The following VPS13B variants were observed in gnomAD, a reference collection of about 807,000 sequenced individuals.
VPS13B encodes the protein vacuolar protein sorting 13 homolog B, also known as intermembrane lipid transfer protein VPS13B.
Under a neutral mutation model 426.4 loss-of-function variants are expected in VPS13B, and 285 were observed. The ratio of observed to expected loss-of-function variants is 0.67; its 90% CI spans 0.61 to 0.74. The LOEUF is 0.74. Among genes scored for constraint, VPS13B ranks in the 30% least tolerant of loss-of-function variants. VPS13B has a pLI of 0.00. For synonymous variants in VPS13B, 1,676 were observed against 1,676.4 expected (o/e 1.00, Z 0.01); for missense variants, 4,537 against 4,782.6 (o/e 0.95, Z 1.51).
At position 99,853,657 on chromosome 8, in the gene VPS13B, G is replaced by A; in HGVS notation, c.10268G>A (p.Cys3423Tyr). ...ALFELYCVEI[C>Y]CGDLQLDNQL... ...TTTGAACTTTACTGTGTGGAGATCT[G>A]CTGTGGGGACCTGCAGCTAGACAAC... The change falls in exon 56 of 62, where the codon TGC (cysteine) becomes TAC (tyrosine). Residue 3423 changes from cysteine to tyrosine, a missense_variant. Transcript: ENST00000357162. The A allele has an allele frequency of 6.2e-7, 1 of 1,613,616 alleles. No individual in the cohort carries two copies. Among genetic ancestry groups the A allele is most frequent in the Non-Finnish European group, 8.5e-7 (1 of 1,179,862 alleles).
chr8:99,528,143 C>T (rs540560111), intron 30 of VPS13B, among the ~76,000 whole-genome samples: 269 of 152,106 alleles, frequency 1.8e-3, no homozygotes, highest in Middle Eastern at 0.01. Flanking sequence ...TTATATTATA[C>T]TTCCTATGTC....
At chr8:99,142,502 G>A (rs1196020995) in intron 12 of VPS13B, among the ~76,000 whole-genome samples, 1 of 152,060 alleles carries the variant, frequency 6.6e-6, no homozygotes, top group Non-Finnish European at 1.5e-5. Flanking sequence ...TTCAAAGCAG[G>A]TAATACCTAC....
At chr8:99,217,035 T>C (rs1039056151) in intron 17 of VPS13B, among the ~76,000 whole-genome samples, 3 of 152,110 alleles carry the variant, frequency 2.0e-5, no homozygotes, top group African/African-American at 7.2e-5. Flanking sequence ...GGTACTAGTT[T>C]GGGGCAAAAA....
intron 3 of VPS13B, among the ~76,000 whole-genome samples, chr8:99,070,782 T>C (rs1844816897): frequency 6.6e-6 from 1 of 152,140 alleles, no homozygotes; most frequent in South Asian, 2.1e-4. Flanking sequence ...TCTTCCATTA[T>C]TCTTTTTTCT....
At chr8:99,273,827 C>T (rs1353120570) in intron 17 of VPS13B, among the ~76,000 whole-genome samples, 2 of 151,922 alleles carry the variant, frequency 1.3e-5, no homozygotes, top group Non-Finnish European at 2.9e-5. Flanking sequence ...AAAGTCTTCG[C>T]CTAAATTAAA....
chr8:99,192,841 T>G lies in VPS13B; in HGVS notation c.2334-35T>G, dbSNP rs1420275430. On this transcript the variant is annotated intron_variant, in intron 16 of 61. Transcript: ENST00000357162. ...TATTTTGTTGTCTGTAAATGCTATT[T>G]ACTGTATTGCGATTCTTTCTGTTTT... 6 of 1,608,828 alleles carry G rather than the reference T, an allele frequency of 3.7e-6. No homozygotes were observed. In the East Asian group the frequency reaches 1.3e-4, roughly 36 times the overall value.
intron 23 of VPS13B, among the ~76,000 whole-genome samples, chr8:99,444,819 A>G (rs1437706617): frequency 1.3e-5 from 2 of 152,208 alleles, no homozygotes; most frequent in Non-Finnish European, 2.9e-5. Flanking sequence ...ACACACTACC[A>G]TGCCTGTCTA....
intron 8 of VPS13B, chr8:99,121,846 CTTT>C (rs34151287): frequency 1.1e-3 from 120 of 112,296 alleles, no homozygotes; most frequent in Middle Eastern, 5.2e-3. Context: ...CTCTCTCTCT[CTTT>C]TTTTTTTTTT....
At chr8:99,569,122 G>A (rs745743070) in intron 31 of VPS13B, among the ~76,000 whole-genome samples, 18 of 151,924 alleles carry the variant, frequency 1.2e-4, no homozygotes, top group South Asian at 2.1e-4. Flanking sequence ...ACGCCTGGCC[G>A]ATTACCACAA....
At chr8:99,078,296 C>T (rs1035364227) in intron 3 of VPS13B, among the ~76,000 whole-genome samples, 7 of 145,400 alleles carry the variant, frequency 4.8e-5, no homozygotes, top group South Asian at 2.2e-4. Context: ...TCTAGTTTTG[C>T]GGATTGTCTT....
chr8:99,275,784 A>C (rs893488653), intron 19 of VPS13B, among the ~76,000 whole-genome samples: 4 of 152,170 alleles, frequency 2.6e-5, no homozygotes, highest in Non-Finnish European at 5.9e-5. Flanking sequence ...TATACCTCTC[A>C]TGTTGAGAGA....
intron 39 of VPS13B, among the ~76,000 whole-genome samples, chr8:99,737,008 A>G (rs1018691734): frequency 1.3e-5 from 2 of 151,334 alleles, no homozygotes; most frequent in African/African-American, 2.4e-5. Flanking sequence ...TGAACCTACA[A>G]CTCTTAACTG....
At chr8:99,029,698 G>C (rs1489419615) in intron 2 of VPS13B, among the ~76,000 whole-genome samples, 12 of 151,908 alleles carry the variant, frequency 7.9e-5, no homozygotes, top group Non-Finnish European at 4.4e-5. Context: ...ATCAGGCAGG[G>C]ATTTTGCAGT....
chr8:99,302,709 A>G (rs561590289), intron 19 of VPS13B, among the ~76,000 whole-genome samples: 3 of 152,056 alleles, frequency 2.0e-5, no homozygotes, highest in Non-Finnish European at 4.4e-5. Flanking sequence ...GGGTTTTGCC[A>G]TGTTGGCCAT....
intron 34 of VPS13B, among the ~76,000 whole-genome samples, chr8:99,657,470 T>TGTGTCTGTGTGTGTG (rs60760111): frequency 1.2e-4 from 18 of 147,008 alleles, no homozygotes; most frequent in African/African-American, 4.3e-4. Flanking sequence ...ACTTTAAAAA[T>TGTGTCTGTGTGTGTG]TGTGTGTGTG....
chr8:99,217,616 A>T (rs1815459512), intron 17 of VPS13B, among the ~76,000 whole-genome samples: 1 of 152,216 alleles, frequency 6.6e-6, no homozygotes, highest in Non-Finnish European at 1.5e-5. Context: ...TTTTGGTAAT[A>T]TAGTTTTGAA....
intron 3 of VPS13B, among the ~76,000 whole-genome samples, chr8:99,063,370 T>C (rs141573402): frequency 6.6e-6 from 1 of 152,270 alleles, no homozygotes; most frequent in East Asian, 1.9e-4. Flanking sequence ...CCTGCCCAAA[T>C]ACTGTACTTT....
chr8:99,784,954 T>A (rs969203319), intron 43 of VPS13B, among the ~76,000 whole-genome samples: 10 of 152,158 alleles, frequency 6.6e-5, no homozygotes, highest in Non-Finnish European at 1.0e-4. Flanking sequence ...AGGCACATGC[T>A]AGGCACTGGG....
intron 2 of VPS13B, among the ~76,000 whole-genome samples, chr8:99,014,348 G>T (rs1197291500): frequency 1.3e-5 from 2 of 151,542 alleles, no homozygotes; most frequent in Non-Finnish European, 3.0e-5. Flanking sequence ...GAACTCCTGA[G>T]CTTAGGTGAT....
Sources: allele counts gnomAD v4.1 joint callset (sites outside exome capture counted in the v4.1 genomes callset), GRCh38; gene constraint gnomAD v4.1.1; transcripts MANE v1.5; gene names NCBI Gene and HGNC (gene_info 2026-07-23, HGNC 2026-07-21).